Variants in POT1 observed in about 807,000 individuals in gnomAD.
POT1 encodes protection of telomeres 1.
In POT1, 47 loss-of-function variants were observed where a neutral mutation model predicts 78.5. That is an observed-to-expected ratio of 0.60 (90% CI 0.47 to 0.76). POT1 has a LOEUF of 0.76. POT1 is among the 30% of genes least tolerant of loss of function. The pLI is 0.00. For missense variants in POT1, 646 were observed against 749.9 expected (o/e 0.86, Z 1.62); for synonymous variants, 259 against 260.7 (o/e 0.99, Z 0.06).
chr7:124,894,115 G>C (rs1441749555), intron 5 of POT1, among the ~76,000 whole-genome samples: 10 of 151,434 alleles, frequency 6.6e-5, no homozygotes, highest in African/African-American at 2.4e-4. Flanking sequence ...ACATCAAATG[G>C]AAATAAGGAT....
intron 6 of POT1, among the ~76,000 whole-genome samples, chr7:124,878,846 T>C (rs775130677): frequency 2.0e-5 from 3 of 151,984 alleles, no homozygotes; most frequent in Non-Finnish European, 2.9e-5. Context: ...ATATGTATGG[T>C]TACAGAAGAG....
At chr7:124,838,548 A>C (rs989418720) in intron 14 of POT1, among the ~76,000 whole-genome samples, 7 of 152,166 alleles carry the variant, frequency 4.6e-5, no homozygotes, top group African/African-American at 1.7e-4. Context: ...GTCCATGTTC[A>C]TCGTCAATAA....
At chr7:124,915,509 G>A (rs1410883816) in intron 3 of POT1, 65 bp downstream of exon 3, 1 of 152,120 alleles carries the variant, frequency 6.6e-6, no homozygotes, top group Non-Finnish European at 1.5e-5. Flanking sequence ...ATATATATAT[G>A]AAGTCACATA....
At chr7:124,852,686 CCT>C (rs769563274) in intron 10 of POT1, among the ~76,000 whole-genome samples, 90 of 152,092 alleles carry the variant, frequency 5.9e-4, no homozygotes, top group Non-Finnish European at 8.5e-4. Context: ...TCTAGTTTCC[CCT>C]GTTTGTTGCT....
In POT1 at chr7:124,842,971, G is replaced by A. The variant is rs375482256; in HGVS notation, c.1007-8C>T. 7.9e-6 allele frequency: 12 copies of A among 1,526,144 alleles called. No homozygotes were observed. The highest frequency in any genetic ancestry group is 2.3e-5 in the East Asian group (1 of 42,688). The allele number at this position is 1,526,144 out of a possible 1,614,324, so 94.5% of individuals were successfully genotyped here. On this transcript the variant is annotated splice_region_variant and splice_polypyrimidine_tract_variant and intron_variant, in intron 12 of 18. Coordinates refer to ENST00000357628, the MANE Select transcript of POT1 (RefSeq NM_015450.3). ...ACTGATGATCTGTAAGTACTGTAAA[G>A]AATTTTTATATTCAATCAGAATAAC...
intron 6 of POT1, among the ~76,000 whole-genome samples, chr7:124,880,170 A>C (rs1485264784): frequency 1.3e-5 from 2 of 152,132 alleles, no homozygotes; most frequent in South Asian, 2.1e-4. Context: ...ATAAAAAAAA[A>C]CACACAATGT....
At chr7:124,824,448 G>A (rs1396662084) in intron 18 of POT1, among the ~76,000 whole-genome samples, 1 of 152,002 alleles carries the variant, frequency 6.6e-6, no homozygotes, top group South Asian at 2.1e-4. Flanking sequence ...AATCCAAACA[G>A]TTAACACAAA....
intron 11 of POT1, among the ~76,000 whole-genome samples, chr7:124,848,841 A>C (rs1795235521): frequency 1.3e-5 from 2 of 152,088 alleles, no homozygotes; most frequent in African/African-American, 4.8e-5. Context: ...AGTGTAGAGG[A>C]AATAAAAGCG....
At chr7:124,833,159 GA>G (rs1192911178) in intron 15 of POT1, among the ~76,000 whole-genome samples, 1 of 152,048 alleles carries the variant, frequency 6.6e-6, no homozygotes, top group African/African-American at 2.4e-5. Context: ...ATGAGAGGGA[GA>G]ATTAGACACT....
intron 15 of POT1, among the ~76,000 whole-genome samples, chr7:124,829,740 T>A (rs377332449): frequency 5.5e-4 from 76 of 137,236 alleles, no homozygotes; most frequent in Non-Finnish European, 8.8e-4. Flanking sequence ...ATATATATAT[T>A]TTTTAAGACA....
At chr7:124,861,607 C>G (rs1795600471) in intron 8 of POT1, among the ~76,000 whole-genome samples, 1 of 151,950 alleles carries the variant, frequency 6.6e-6, no homozygotes, top group Non-Finnish European at 1.5e-5. Context: ...TTAACTTTGT[C>G]AATTTTGGCT....
At chr7:124,920,815 A>C (rs1490059814) in intron 2 of POT1, among the ~76,000 whole-genome samples, 1 of 152,128 alleles carries the variant, frequency 6.6e-6, no homozygotes, top group Non-Finnish European at 1.5e-5. Flanking sequence ...AAAATTGGAC[A>C]GGGGCAATGC....
chr7:124,881,804 G>A (rs1322831470), intron 6 of POT1, among the ~76,000 whole-genome samples: 2 of 151,914 alleles, frequency 1.3e-5, no homozygotes, highest in African/African-American at 4.8e-5. Flanking sequence ...ACATTAACAG[G>A]GAAAGTGGAA....
chr7:124,904,383 A>G (rs1298102820), intron 3 of POT1, among the ~76,000 whole-genome samples: 1 of 152,326 alleles, frequency 6.6e-6, no homozygotes, highest in South Asian at 2.1e-4. Flanking sequence ...AAACAGAAAC[A>G]AAGACAAAAA....
intron 9 of POT1, among the ~76,000 whole-genome samples, chr7:124,858,472 GTATACACACACCCAA>G (rs1481370502): frequency 6.6e-6 from 1 of 151,778 alleles, no homozygotes; most frequent in Non-Finnish European, 1.5e-5. Context: ...AAATTACACA[GTATACACACACCCAA>G]TTTATAATAT....
At chr7:124,921,219 CA>C (rs1385456431) in intron 2 of POT1, among the ~76,000 whole-genome samples, 7 of 151,934 alleles carry the variant, frequency 4.6e-5, no homozygotes, top group Non-Finnish European at 8.8e-5. Context: ...ATCAAGCACA[CA>C]AAACAATAAA....
At chr7:124,842,999 G>C (rs1795068073) in intron 12 of POT1, 36 bp from the exon 13 acceptor site, 1 of 1,420,962 alleles carries the variant, frequency 7.0e-7, no homozygotes, top group Non-Finnish European at 9.5e-7. Context: ...AGAATAACAA[G>C]AATCATATTT....
chr7:124,832,970 T>A (rs1026010775), intron 15 of POT1, among the ~76,000 whole-genome samples: 2 of 151,538 alleles, frequency 1.3e-5, no homozygotes, highest in East Asian at 1.9e-4. Flanking sequence ...CAAGGCAAAA[T>A]AGAGAGAAAG....
At chr7:124,854,176 T>C (rs967480988) in intron 9 of POT1, among the ~76,000 whole-genome samples, 1 of 152,028 alleles carries the variant, frequency 6.6e-6, no homozygotes, top group African/African-American at 2.4e-5. Context: ...TTGGAATATC[T>C]GCATATATAT....
Sources: gnomAD v4.1 joint callset for allele counts (sites outside exome capture counted in the v4.1 genomes callset) on GRCh38, gnomAD v4.1.1 for gene constraint, MANE v1.5 for transcripts, NCBI Gene and HGNC (gene_info 2026-07-23, HGNC 2026-07-21) for gene names.